Variants in ADGRB1 observed in about 807,000 individuals in gnomAD.
ADGRB1 encodes brain-specific angiogenesis inhibitor 1.
In ADGRB1, 36 loss-of-function variants were observed where a neutral mutation model predicts 175.7. The ratio of observed to expected loss-of-function variants is 0.20; its 90% CI spans 0.16 to 0.27. ADGRB1 has a LOEUF of 0.27. ADGRB1 is among the 10% of genes least tolerant of loss of function. ADGRB1 has a pLI of 1.00. For synonymous variants in ADGRB1, 1,054 were observed against 979.4 expected (o/e 1.08, Z -1.42); for missense variants, 1,731 against 2,255.3 (o/e 0.77, Z 4.71).
At chr8:142,460,659 C>T (rs1489834028) in intron 1 of ADGRB1, among the ~76,000 whole-genome samples, 3 of 152,186 alleles carry the variant, frequency 2.0e-5, no homozygotes, top group African/African-American at 4.8e-5. Context: ...TCTGCCGAGG[C>T]CCCAGGTCCC....
rs1373693138 is a variant in ADGRB1 at position 142,542,446 on chromosome 8, C to T, written c.4212C>T (p.Pro1404=). The part of the protein sequence containing the change: ...PSRQPPSGGP[P]EAPPAQPPPP... ...GCCAGCCCCCCAGCGGCGGGCCCCC[C>T]GAGGCACCCCCTGCCCAGCCCCCAC... Residue 1404 remains proline, a synonymous_variant, in exon 28 of 31, where the codon CCC becomes CCT. Coordinates refer to ENST00000517894, the MANE Select transcript of ADGRB1 (RefSeq NM_001702.3). This position sits in a 1 kb window ranked among gnomAD's most constrained non-coding sequence, Gnocchi z 6.3. 82 of 1,464,338 alleles carry T rather than the reference C, an allele frequency of 5.6e-5. 1 individual carries two copies. The Admixed American group carries it at 1.1e-3, about 20-fold the overall frequency. The allele number at this position is 1,464,338 out of a possible 1,614,324, so 90.7% of individuals were successfully genotyped here.
At chr8:142,517,857 G>T (rs1472041525) in intron 18 of ADGRB1, among the ~76,000 whole-genome samples, 1 of 152,188 alleles carries the variant, frequency 6.6e-6, no homozygotes, top group Admixed American at 6.5e-5. Flanking sequence ...AGACATGATG[G>T]CAGCAAAGAC....
At chr8:142,519,304 G>C (rs548962576) in intron 19 of ADGRB1, among the ~76,000 whole-genome samples, 1 of 152,120 alleles carries the variant, frequency 6.6e-6, no homozygotes, top group Non-Finnish European at 1.5e-5. Flanking sequence ...ATGAGCTGCC[G>C]GCAGGGACTG....
rs1465136831 is a variant in ADGRB1, at chr8:142,542,483, C to T, written c.4249C>T (p.Pro1417Ser). Residue 1417 changes from proline to serine, a missense_variant, in exon 28 of 31, where the codon CCA becomes TCA. This residue lies in a region of ADGRB1 where 394 missense variants were observed against 410.2 expected (regional missense o/e 0.96). Coordinates refer to ENST00000517894, the MANE Select transcript of ADGRB1 (RefSeq NM_001702.3). This position sits in a 1 kb window ranked among gnomAD's most constrained non-coding sequence, Gnocchi z 6.3. ...TGCCCAGCCCCCACCGCCTCCGCCCCCACCGCCACCACCTCCCCAGCAGCC... is the reference window on the plus strand; with the variant it reads ...TGCCCAGCCCCCACCGCCTCCGCCCTCACCGCCACCACCTCCCCAGCAGCC... ...PPAQPPPPPP[P>S]PPPPPQQPLP... 7.7e-7 allele frequency: 1 copy of T among 1,306,874 alleles called. No homozygotes were observed. Among genetic ancestry groups the T allele is most frequent in the South Asian group, 1.6e-5 (1 of 62,674 alleles). The allele number at this position is 1,306,874 out of a possible 1,614,324, so 81.0% of individuals were successfully genotyped here.
intron 2 of ADGRB1, among the ~76,000 whole-genome samples, chr8:142,472,491 C>T (rs764259938): frequency 2.0e-5 from 3 of 152,214 alleles, no homozygotes; most frequent in Non-Finnish European, 4.4e-5. Context: ...AGCTCAGACA[C>T]ACTGTGGCCA....
At chr8:142,536,889 G>A (rs1055255578) in intron 25 of ADGRB1, 98 bp from the exon 26 acceptor site, 19 of 1,055,232 alleles carry the variant, frequency 1.8e-5, no homozygotes, top group African/African-American at 1.3e-4. Flanking sequence ...GCCCTTCCCC[G>A]AGACGCCCGC....
intron 27 of ADGRB1, chr8:142,539,764 G>C (rs1406219633): frequency 6.9e-6 from 3 of 435,356 alleles, no homozygotes; most frequent in Middle Eastern, 6.1e-4. Flanking sequence ...GAGGAGCACA[G>C]CCTCACCCTA....
At chr8:142,539,286 C>T (rs1178526000) in intron 26 of ADGRB1, 88 bp from the exon 27 acceptor site, 15 of 1,382,866 alleles carry the variant, frequency 1.1e-5, no homozygotes, top group Non-Finnish European at 1.5e-5. Context: ...AGCAGGAGCA[C>T]CGTGGCCCTC....
At chr8:142,522,525 T>C (rs1462296810) in intron 21 of ADGRB1, 116 bp from the exon 22 acceptor site, 7 of 1,023,594 alleles carry the variant, frequency 6.8e-6, no homozygotes, top group Admixed American at 5.8e-5. Context: ...CCATCCTCTG[T>C]TGGGGGCTTC....
intron 11 of ADGRB1, among the ~76,000 whole-genome samples, chr8:142,483,282 C>A (rs1338342345): frequency 6.7e-6 from 1 of 148,732 alleles, no homozygotes; most frequent in Admixed American, 6.7e-5. Flanking sequence ...ACACTGAGCC[C>A]TGATACTGGT....
chr8:142,476,719 G>A, intron 4 of ADGRB1, 24 bp downstream of exon 4: 1 of 1,533,792 alleles, frequency 6.5e-7, no homozygotes, highest in Non-Finnish European at 8.8e-7. Context: ...AGGGGGGTGG[G>A]TGGGACTAGG....
chr8:142,450,812 C>T (rs1839303843), intron 1 of ADGRB1, among the ~76,000 whole-genome samples: 1 of 152,228 alleles, frequency 6.6e-6, no homozygotes, highest in Non-Finnish European at 1.5e-5. Flanking sequence ...CCCACCCCCA[C>T]GCGAACGCCT....
At chr8:142,518,264 G>A in intron 19 of ADGRB1, 23 bp downstream of exon 19, 1 of 1,611,572 alleles carries the variant, frequency 6.2e-7, no homozygotes, top group South Asian at 1.1e-5. Context: ...CAGGTGCTGG[G>A]CATGCATGTC....
intron 17 of ADGRB1, among the ~76,000 whole-genome samples, chr8:142,498,422 G>A (rs955630616): frequency 6.6e-6 from 1 of 152,126 alleles, no homozygotes; most frequent in African/African-American, 2.4e-5. Flanking sequence ...TGCCCAGGAC[G>A]CAGCTGTGAG....
At position 142,519,304 on chromosome 8, in the gene ADGRB1, G is replaced by A. The variant is rs548962576; in HGVS notation, c.2921+1063G>A. Among the ~76,000 whole-genome samples, 38 of 152,234 alleles carry A rather than the reference G, an allele frequency of 2.5e-4. 1 individual carries two copies. The highest frequency in any genetic ancestry group is 3.4e-3 in the Middle Eastern group (1 of 294). ...CCATCCCTGTGCCCTATGAGCTGCC[G>A]GCAGGGACTGTTCTGTGGTCCCCAT... On this transcript the variant is annotated intron_variant, in intron 19 of 30. Transcript: ENST00000517894.
At chr8:142,484,860 G>T in intron 13 of ADGRB1, 96 bp downstream of exon 13, 1 of 944,922 alleles carries the variant, frequency 1.1e-6, no homozygotes, top group Non-Finnish European at 1.6e-6. Context: ...TAAAGGGGCA[G>T]TGACCAGACA....
At chr8:142,519,382 C>T (rs1424664473) in intron 19 of ADGRB1, among the ~76,000 whole-genome samples, 2 of 152,200 alleles carry the variant, frequency 1.3e-5, no homozygotes. Flanking sequence ...TCATGCAGCA[C>T]ATCAGGGTCA....
chr8:142,454,815 T>G (rs1587235254), intron 1 of ADGRB1, among the ~76,000 whole-genome samples: 1 of 152,062 alleles, frequency 6.6e-6, no homozygotes, highest in South Asian at 2.1e-4. Context: ...TCATTTCTGT[T>G]AATTGAGGAA....
At chr8:142,468,675 T>A (rs1332287382) in intron 2 of ADGRB1, among the ~76,000 whole-genome samples, 1 of 152,170 alleles carries the variant, frequency 6.6e-6, no homozygotes, top group Non-Finnish European at 1.5e-5. Context: ...CAGGAAGTCT[T>A]CCCTAGAGAC....
Sources: allele counts gnomAD v4.1 joint callset (sites outside exome capture counted in the v4.1 genomes callset), GRCh38; gene constraint gnomAD v4.1.1; regional missense constraint gnomAD v4.1.1; non-coding constraint Gnocchi (gnomAD v3.1); transcripts MANE v1.5; gene names NCBI Gene and HGNC (gene_info 2026-07-23, HGNC 2026-07-21).